A2ML1: variants seen among roughly 807,000 people sequenced by gnomAD.
A2ML1 encodes alpha-2-macroglobulin like 1.
Under a neutral mutation model 181.9 loss-of-function variants are expected in A2ML1, and 161 were observed. That is an observed-to-expected ratio of 0.89 (90% CI 0.78 to 1.01). The LOEUF is 1.01. A2ML1 is among the 50% of genes least tolerant of loss of function. The probability of loss-of-function intolerance (pLI) is 0.00; values close to 1 mark genes in which losing one functional copy is unlikely to be tolerated. For synonymous variants in A2ML1, 663 were observed against 666.8 expected (o/e 0.99, Z 0.09); for missense variants, 1,670 against 1,768.1 (o/e 0.94, Z 1.00).
chr12:8,874,936 C>T (rs1183020655), intron 34 of A2ML1, 35 bp from the exon 35 acceptor site: 2 of 1,611,786 alleles, frequency 1.2e-6, no homozygotes, highest in Admixed American at 1.7e-5. Context: ...ATAGGAGGCC[C>T]TCAAAGTAAT....
Position 8,852,779 on chromosome 12 carries a change from C to T in A2ML1, c.2590+443C>T, listed in dbSNP as rs1943935985. Among the ~76,000 whole-genome samples the T allele has an allele frequency of 1.3e-5, 2 of 152,160 alleles. No individual in the cohort carries two copies. Among genetic ancestry groups the T allele is most frequent in the Non-Finnish European group, 2.9e-5 (2 of 68,032 alleles). ...TGGTGCAATCTGTGCTTACTGCAAC[C>T]TCCACCTCCTGGGTTCAAGTGATTC... is the stretch of plus-strand genomic sequence containing the variant. On this transcript the variant is annotated intron_variant, in intron 20 of 35. Transcript: ENST00000299698. This position sits in a 1 kb window ranked among gnomAD's most constrained non-coding sequence, Gnocchi z 4.2.
chr12:8,862,828 G>A (rs1365620286), intron 28 of A2ML1, among the ~76,000 whole-genome samples: 3 of 151,928 alleles, frequency 2.0e-5, no homozygotes, highest in Non-Finnish European at 4.4e-5. Flanking sequence ...TTCCTGTTAC[G>A]TTCTTCCAAT....
At chr12:8,874,331 T>G (rs1944728877) in intron 33 of A2ML1, 94 bp from the exon 34 acceptor site, 2 of 1,026,618 alleles carry the variant, frequency 1.9e-6, no homozygotes, top group African/African-American at 3.2e-5. Flanking sequence ...TCAGAAAATC[T>G]ACATGAAGAC....
chr12:8,837,518 G>T lies in A2ML1; in HGVS notation c.807G>T (p.Glu269Asp). The T allele has an allele frequency of 6.2e-7, 1 of 1,614,020 alleles. No homozygotes were observed. The highest frequency in any genetic ancestry group is 8.5e-7 in the Non-Finnish European group (1 of 1,179,930). Residue 269 changes from glutamate to aspartate, a missense_variant, in exon 8 of 36, where the codon GAG becomes GAT. By Grantham distance (45) the Glu-to-Asp change is conservative. Transcript: ENST00000299698. Reference protein sequence around the residue: ...CQKANTYWYREVEREQLPDKC... With the variant: ...CQKANTYWYRDVEREQLPDKC... Reference sequence around the variant, plus strand: ...AGGCAAATACTTACTGGTATCGAGAGGTGGAACGGGAACAGCTTCCTGACA... The same window carrying T: ...AGGCAAATACTTACTGGTATCGAGATGTGGAACGGGAACAGCTTCCTGACA...
At chr12:8,867,246 T>A (rs759846587) in intron 29 of A2ML1, among the ~76,000 whole-genome samples, 2 of 152,358 alleles carry the variant, frequency 1.3e-5, no homozygotes, top group Non-Finnish European at 1.5e-5. Context: ...CACTTGCTTC[T>A]AGCAATAACT....
Position 8,869,174 on chromosome 12 carries a change from A to G in A2ML1, c.4192A>G (p.Thr1398Ala), listed in dbSNP as rs373601081. Reference protein sequence around the residue: ...QPLVKKVEFGTDTLNIYLDEL... With the variant: ...QPLVKKVEFGADTLNIYLDEL... ...CCTGGTGAAGAAGGTTGAATTTGGA[A>G]CTGACACACTTAACATTTACTTGGA... is the stretch of plus-strand genomic sequence containing the variant. The change falls in exon 33 of 36, where the codon ACT (threonine) becomes GCT (alanine). Residue 1398 changes from threonine (T) to alanine (A), a missense_variant. Coordinates refer to ENST00000299698, the MANE Select transcript of A2ML1 (RefSeq NM_144670.6). The G allele has an allele frequency of 1.2e-6, 2 of 1,614,118 alleles. No individual in the cohort carries two copies.
intron 23 of A2ML1, 105 bp downstream of exon 23, chr12:8,855,697 T>A: frequency 9.7e-7 from 1 of 1,033,908 alleles, no homozygotes; most frequent in Non-Finnish European, 1.5e-6. Context: ...GTGTAACTAA[T>A]AACAAGTGAT....
Position 8,863,777 on chromosome 12 carries a change from T to C in A2ML1, c.3503-17T>C. Reference sequence around the variant, plus strand: ...GTTCCTTCTAAGGACATCCTAGTTATGTTTCTTTTTCCATAGGAGAATCCA... The same window carrying C: ...GTTCCTTCTAAGGACATCCTAGTTACGTTTCTTTTTCCATAGGAGAATCCA... On this transcript the variant is annotated splice_polypyrimidine_tract_variant and intron_variant, in intron 28 of 35. Transcript: ENST00000299698. 6.2e-7 allele frequency: 1 copy of C among 1,613,186 alleles called. No individual in the cohort carries two copies. The highest frequency in any genetic ancestry group is 8.5e-7 in the Non-Finnish European group (1 of 1,179,194).
intron 4 of A2ML1, 32 bp from the exon 5 acceptor site, chr12:8,834,630 T>C (rs762801201): frequency 1.1e-5 from 17 of 1,613,278 alleles, no homozygotes; most frequent in Admixed American, 1.7e-5. Context: ...GTCAACCTTC[T>C]TTAACCCGCA....
At chr12:8,844,893 C>G in intron 12 of A2ML1, 1 of 903,250 alleles carries the variant, frequency 1.1e-6, no homozygotes, top group South Asian at 3.4e-5. Flanking sequence ...TGGAGCCCTG[C>G]AGGAGCGTGG....
rs540939792 is a variant in A2ML1, at chr12:8,842,430, A to G, written c.1249-704A>G. ...GAGATGGGGTTTCACTGTGTTAGCC[A>G]GGATGGTCTCGATCTCCTGACCTCG... On this transcript the variant is annotated intron_variant, in intron 11 of 35. Coordinates refer to ENST00000299698, the MANE Select transcript of A2ML1 (RefSeq NM_144670.6). Among the ~76,000 whole-genome samples the G allele has an allele frequency of 2.6e-3, 403 of 152,170 alleles. 1 individual carries two copies. Among genetic ancestry groups the G allele is most frequent in the Non-Finnish European group, 5.1e-3 (347 of 67,994 alleles).
Position 8,851,878 on chromosome 12 carries a change from G to A in A2ML1, c.2329G>A (p.Gly777Arg), listed in dbSNP as rs201288888. Residue 777 changes from glycine (G) to arginine (R), a missense_variant, in exon 19 of 36, where the codon GGG (glycine) becomes AGG (arginine). By Grantham distance (125) the Gly-to-Arg change is moderately radical (BLOSUM62 -2). Transcript: ENST00000299698. ...CTGCACTTCCCAGTCAAGAGGCTTCGGGCTTTCACCCACTGTTGGACTAAC... is the reference window on the plus strand; with the variant it reads ...CTGCACTTCCCAGTCAAGAGGCTTCAGGCTTTCACCCACTGTTGGACTAAC... ...SFCTSQSRGF[G>R]LSPTVGLTAF... 33 of 1,614,168 alleles carry A rather than the reference G, an allele frequency of 2.0e-5. No individual in the cohort carries two copies. The highest frequency in any genetic ancestry group is 2.0e-4 in the East Asian group (9 of 44,886).
intron 26 of A2ML1, among the ~76,000 whole-genome samples, 168 bp from the exon 27 acceptor site, chr12:8,860,713 C>G (rs1944225901): frequency 6.6e-6 from 1 of 152,122 alleles, no homozygotes; most frequent in African/African-American, 2.4e-5. Context: ...CTTTGTGTGT[C>G]CTGGAGGCTT....
In A2ML1 at chr12:8,854,138, C is replaced by G. The variant is rs371274266; in HGVS notation, c.2601C>G (p.Asn867Lys). The change falls in exon 21 of 36, where the codon AAC becomes AAG. Residue 867 changes from asparagine to lysine, a missense_variant. Transcript: ENST00000299698. ...TCTTCTTTCTCTCAGGTCACATTAACTTTACTATTAGTACAAAGATTCTGG... is the reference window on the plus strand; with the variant it reads ...TCTTCTTTCTCTCAGGTCACATTAAGTTTACTATTAGTACAAAGATTCTGG... ...NITAVKLGHI[N>K]FTISTKILDS... is the part of the protein sequence containing the mutation. The G allele has an allele frequency of 1.9e-6, 3 of 1,594,510 alleles. No homozygotes were observed. In the African/African-American group the frequency reaches 4.0e-5, roughly 21 times the overall value.
chr12:8,854,901 T>TC, intron 22 of A2ML1, 70 bp downstream of exon 22: 2 of 1,557,330 alleles, frequency 1.3e-6, no homozygotes, highest in Non-Finnish European at 1.7e-6. Flanking sequence ...TTTTCATTTT[T>TC]TTTTTTTTTT....
Position 8,843,323 on chromosome 12 carries a change from GA to G in A2ML1, c.1439del (p.Asp480ValfsTer14). 2 of 1,613,866 alleles carry G rather than the reference GA, an allele frequency of 1.2e-6. No homozygotes were observed. Among genetic ancestry groups the G allele is most frequent in the Non-Finnish European group, 1.7e-6 (2 of 1,180,026 alleles). ...GGTGGATTATTACATCGACCCGGCCGATGCAAGCCCTGACCAAGAGATCAGC... is the reference window on the plus strand; with the variant it reads ...GGTGGATTATTACATCGACCCGGCCGTGCAAGCCCTGACCAAGAGATCAGC... ...VLVDYYIDPA[D>X]ASPDQEISFS... On this transcript the variant is annotated frameshift_variant, in exon 12 of 36. Transcript: ENST00000299698. LOFTEE classifies it high-confidence loss of function.
At chr12:8,851,573 T>C (rs746732386) in intron 18 of A2ML1, among the ~76,000 whole-genome samples, 14 of 152,132 alleles carry the variant, frequency 9.2e-5, no homozygotes, top group African/African-American at 1.7e-4. Flanking sequence ...ACCTGGCTAA[T>C]TTTTAAATTT....
intron 5 of A2ML1, among the ~76,000 whole-genome samples, chr12:8,835,265 G>A (rs1370236883): frequency 6.6e-6 from 1 of 152,148 alleles, no homozygotes; most frequent in Non-Finnish European, 1.5e-5. Flanking sequence ...GGCTCAGTCT[G>A]ATCATTAAAA....
rs61741216 is a variant in A2ML1, at chr12:8,851,801, C to A, written c.2252C>A (p.Ala751Glu). 2 of 1,614,052 alleles carry A rather than the reference C, an allele frequency of 1.2e-6. No individual in the cohort carries two copies. The highest frequency in any genetic ancestry group is 1.7e-6 in the Non-Finnish European group (2 of 1,180,008). Residue 751 changes from alanine to glutamate, a missense_variant, in exon 19 of 36, where the codon GCG (alanine) becomes GAG (glutamate). Coordinates refer to ENST00000299698, the MANE Select transcript of A2ML1 (RefSeq NM_144670.6). ...LFPIGNSGKE[A>E]VHVTVPDAIT... ...TTTCACAGTAACTCGGGGAAGGAGGCGGTCCACGTCACAGTTCCTGACGCC... is the reference window on the plus strand; with the variant it reads ...TTTCACAGTAACTCGGGGAAGGAGGAGGTCCACGTCACAGTTCCTGACGCC...
Sources: allele counts gnomAD v4.1 joint callset (sites outside exome capture counted in the v4.1 genomes callset), GRCh38; gene constraint gnomAD v4.1.1; non-coding constraint Gnocchi (gnomAD v3.1); transcripts MANE v1.5; gene names NCBI Gene and HGNC (gene_info 2026-07-23, HGNC 2026-07-21).